The following TRIT1 variants were observed in gnomAD, a reference collection of about 807,000 sequenced individuals.
TRIT1 encodes the protein tRNA isopentenyltransferase 1, also known as tRNA dimethylallyltransferase.
Under a neutral mutation model 51.2 loss-of-function variants are expected in TRIT1, and 43 were observed. That is an observed-to-expected ratio of 0.84 (90% CI 0.66 to 1.08). The LOEUF (loss-of-function observed/expected upper bound fraction) is 1.08, where lower values mean the gene tolerates loss of function less well. TRIT1 is among the 50% of genes least tolerant of loss of function. The pLI is 0.00. For synonymous variants in TRIT1, 184 were observed against 203.9 expected, an observed-to-expected ratio of 0.90 and a Z score of 0.83; for missense variants, 528 against 578.4, an observed-to-expected ratio of 0.91 and a Z score of 0.89.
chr1:39,846,500 G>A (rs1174256478), intron 8 of TRIT1, among the ~76,000 whole-genome samples: 1 of 152,200 alleles, frequency 6.6e-6, no homozygotes, highest in East Asian at 1.9e-4. Context: ...TACAGCTAAA[G>A]GAAGTAAGAG....
intron 8 of TRIT1, among the ~76,000 whole-genome samples, chr1:39,845,898 C>T (rs770606862): frequency 3.3e-5 from 5 of 152,148 alleles, no homozygotes; most frequent in South Asian, 2.1e-4. Context: ...GGCATACACA[C>T]GAATGAGGAA....
chr1:39,865,520 T>C lies in TRIT1; in HGVS notation c.175-8103A>G, dbSNP rs530560508. Among the ~76,000 whole-genome samples the C allele has an allele frequency of 3.3e-5, 5 of 152,036 alleles. No homozygotes were observed. The East Asian group carries it at 5.8e-4, about 18-fold the overall frequency. ...GGACATTCCATCATTGAGAGGCACA[T>C]AGCATATAGAAAAGTGGTTAACAGT... On this transcript the variant is annotated intron_variant, in intron 1 of 10. Coordinates refer to ENST00000316891, the MANE Select transcript of TRIT1 (RefSeq NM_017646.6).
intron 1 of TRIT1, among the ~76,000 whole-genome samples, chr1:39,865,665 T>G: frequency 1.9e-5 from 2 of 105,906 alleles, no homozygotes; most frequent in African/African-American, 3.8e-5. Flanking sequence ...TGAGACTCTG[T>G]CTCTACAAAA....
Position 39,844,649 on chromosome 1 carries a change from G to A in TRIT1, c.1007-9C>T. 1 of 1,599,814 alleles carries A rather than the reference G, an allele frequency of 6.3e-7. No individual in the cohort carries two copies. The highest frequency in any genetic ancestry group is 1.1e-5 in the South Asian group (1 of 90,736). On this transcript the variant is annotated splice_polypyrimidine_tract_variant and intron_variant, in intron 8 of 10. Transcript: ENST00000316891. ...GACAATGGGACCAGGTCCTAATGATGACAAAGAAAGGTTGTGAGAGGTCAG... is the reference window on the plus strand; with the variant it reads ...GACAATGGGACCAGGTCCTAATGATAACAAAGAAAGGTTGTGAGAGGTCAG...
rs962148501 is a variant in TRIT1 at position 39,857,261 on chromosome 1, C to A, written c.315+16G>T. ...TTTCACCCACCAAACCCAGCTGCTG[C>A]CTTTCCTAAGGATATCAGAGCAGTT... On this transcript the variant is annotated intron_variant, in intron 2 of 10. Transcript: ENST00000316891. 98 of 1,593,772 alleles carry A rather than the reference C, an allele frequency of 6.1e-5. No homozygotes were observed. The highest frequency in any genetic ancestry group is 7.6e-5 in the Non-Finnish European group (89 of 1,168,024).
At chr1:39,870,905 G>A (rs2124667676) in intron 1 of TRIT1, among the ~76,000 whole-genome samples, 1 of 152,298 alleles carries the variant, frequency 6.6e-6, no homozygotes, top group South Asian at 2.1e-4. Context: ...TTTAATAGGT[G>A]AATAGACACC....
intron 1 of TRIT1, among the ~76,000 whole-genome samples, chr1:39,864,330 C>A (rs928161272): frequency 1.1e-4 from 16 of 151,914 alleles, no homozygotes; most frequent in Non-Finnish European, 2.2e-4. Flanking sequence ...CATCCCCAGG[C>A]CAGGCGCGGT....
chr1:39,877,032 A>C (rs1253112895), intron 1 of TRIT1, among the ~76,000 whole-genome samples: 3 of 150,718 alleles, frequency 2.0e-5, no homozygotes, highest in Admixed American at 1.3e-4. Flanking sequence ...AAAAAAAAAA[A>C]AAAAAAAAAA....
intron 1 of TRIT1, among the ~76,000 whole-genome samples, chr1:39,877,677 G>C (rs1644118059): frequency 6.6e-6 from 1 of 152,106 alleles, no homozygotes; most frequent in Non-Finnish European, 1.5e-5. Flanking sequence ...GTCACTGAAG[G>C]CCCGGCACTG....
chr1:39,852,004 A>AG (rs1642605672), intron 4 of TRIT1, among the ~76,000 whole-genome samples: 1 of 152,082 alleles, frequency 6.6e-6, no homozygotes, highest in African/African-American at 2.4e-5. Context: ...CTATATTCTA[A>AG]CATTAAGTTT....
chr1:39,841,640 G>C lies in TRIT1; in HGVS notation c.*104C>G, dbSNP rs1641907463. 8.2e-7 allele frequency: 1 copy of C among 1,223,144 alleles called. No homozygotes were observed. The highest frequency in any genetic ancestry group is 2.6e-5 in the Admixed American group (1 of 38,682). The allele number at this position is 1,223,144 out of a possible 1,614,324, so 75.8% of individuals were successfully genotyped here. A position where few individuals can be genotyped will look rare whatever the true frequency, so the allele number is the denominator to read the frequency against. On this transcript the variant is annotated 3_prime_UTR_variant, in exon 11 of 11. Transcript: ENST00000316891. ...ATGGTGGGAGCTTTTCTGCTATGCAGAGAATTCCGCATAGCACTCCTTTGC... is the reference window on the plus strand; with the variant it reads ...ATGGTGGGAGCTTTTCTGCTATGCACAGAATTCCGCATAGCACTCCTTTGC...
At chr1:39,872,812 A>AAGGG (rs149159950) in intron 1 of TRIT1, among the ~76,000 whole-genome samples, 8 of 124,508 alleles carry the variant, frequency 6.4e-5, no homozygotes, top group East Asian at 5.6e-4. Flanking sequence ...GAAAGGAAGG[A>AAGGG]AGGGAGGGAG....
Position 39,870,500 on chromosome 1 carries a change from G to T in TRIT1, c.174+12818C>A, listed in dbSNP as rs1159135294. Among the ~76,000 whole-genome samples the T allele has an allele frequency of 6.6e-5, 6 of 90,978 alleles. No homozygotes were observed. In the East Asian group the frequency reaches 1.7e-3, roughly 27 times the overall value. 59.7% of individuals were successfully genotyped at this position (90,978 alleles called of 152,430 possible). On this transcript the variant is annotated intron_variant, in intron 1 of 10. Coordinates refer to ENST00000316891, the MANE Select transcript of TRIT1 (RefSeq NM_017646.6). ...CCCTCTGCGAGCAACACCCAAGAAT[G>T]ATCAATAAATACTAAAAAAAAAAAA...
chr1:39,841,596 A>T lies in TRIT1; in HGVS notation c.*148T>A. On this transcript the variant is annotated 3_prime_UTR_variant, in exon 11 of 11. Transcript: ENST00000316891. ...TCTATTATAGAGAACGTGAGACTTT[A>T]AAACCACATCAAAAGAAAATGGTGG... is the stretch of plus-strand genomic sequence containing the variant. 1.3e-6 allele frequency: 1 copy of T among 780,742 alleles called. No homozygotes were observed. Among genetic ancestry groups the T allele is most frequent in the Non-Finnish European group, 2.0e-6 (1 of 510,704 alleles). 48.4% of individuals were successfully genotyped at this position (780,742 alleles called of 1,614,324 possible). A position where few individuals can be genotyped will look rare whatever the true frequency, so the allele number is the denominator to read the frequency against.
intron 1 of TRIT1, among the ~76,000 whole-genome samples, chr1:39,882,553 C>T (rs183518784): frequency 1.3e-4 from 20 of 152,306 alleles, no homozygotes; most frequent in African/African-American, 4.6e-4. Context: ...CCCTTCTGGG[C>T]CTCCCAGTTC....
At chr1:39,863,098 T>A (rs531022814) in intron 1 of TRIT1, among the ~76,000 whole-genome samples, 7 of 152,376 alleles carry the variant, frequency 4.6e-5, no homozygotes, top group African/African-American at 1.4e-4. Flanking sequence ...AATTGACTTA[T>A]CTCTACAAAC....
chr1:39,859,415 G>A (rs1033334891), intron 1 of TRIT1, among the ~76,000 whole-genome samples: 2 of 150,478 alleles, frequency 1.3e-5, no homozygotes, highest in African/African-American at 2.4e-5. Flanking sequence ...GCTAAACTGC[G>A]GCTCTATAAA....
intron 4 of TRIT1, 31 bp downstream of exon 4, chr1:39,852,700 A>G: frequency 6.2e-7 from 1 of 1,606,530 alleles, no homozygotes; most frequent in East Asian, 2.2e-5. Context: ...GTTGTAAAGG[A>G]ATTTGGGGTC....
At position 39,841,025 on chromosome 1, in the gene TRIT1, T is replaced by C. The variant is rs1641863248; in HGVS notation, c.*719A>G. 1 of 152,264 alleles carries C rather than the reference T, an allele frequency of 6.6e-6. No individual in the cohort carries two copies. Among genetic ancestry groups the C allele is most frequent in the Non-Finnish European group, 1.5e-5 (1 of 68,048 alleles). The allele number at this position is 152,264 out of a possible 1,614,324, so 9.4% of individuals were successfully genotyped here. On this transcript the variant is annotated 3_prime_UTR_variant, in exon 11 of 11. Coordinates refer to ENST00000316891, the MANE Select transcript of TRIT1 (RefSeq NM_017646.6). ...TGTGTATAAACTAGGCATGGACTTGTATATCTTTTTAAGGATCAAAGAGGC... is the reference window on the plus strand; with the variant it reads ...TGTGTATAAACTAGGCATGGACTTGCATATCTTTTTAAGGATCAAAGAGGC...
Sources: allele counts gnomAD v4.1 joint callset (sites outside exome capture counted in the v4.1 genomes callset), GRCh38; gene constraint gnomAD v4.1.1; transcripts MANE v1.5; gene names NCBI Gene and HGNC (gene_info 2026-07-23, HGNC 2026-07-21).